GABRB1: variants seen among roughly 807,000 people sequenced by gnomAD.
GABRB1 encodes gamma-aminobutyric acid receptor subunit beta-1.
Under a neutral mutation model 51.6 loss-of-function variants are expected in GABRB1, and 17 were observed. That is an observed-to-expected ratio of 0.33 (90% confidence interval 0.23 to 0.49). The LOEUF (loss-of-function observed/expected upper bound fraction) is 0.49. Ranked by LOEUF, GABRB1 falls within the 20% of genes least tolerant of loss-of-function variation. The pLI is 0.99. For synonymous variants in GABRB1, 247 were observed against 218.9 expected, an observed-to-expected ratio of 1.13 and a Z score of -1.14; for missense variants, 410 against 600.6, an observed-to-expected ratio of 0.68 and a Z score of 3.32.
upstream of GABRB1, among the ~76,000 whole-genome samples, chr4:47,028,855 A>G (rs1002095521): frequency 2.7e-5 from 4 of 148,532 alleles, no homozygotes; most frequent in East Asian, 5.9e-4. Flanking sequence ...GTATATGTGT[A>G]TATATGGTAT....
intron 3 of GABRB1, among the ~76,000 whole-genome samples, chr4:47,045,539 C>A (rs1167206925): frequency 6.6e-6 from 1 of 151,640 alleles, no homozygotes; most frequent in Admixed American, 6.6e-5. Flanking sequence ...AGCTTATAAA[C>A]AAGAGACATT....
chr4:47,241,203 G>T (rs1288635942), intron 4 of GABRB1, among the ~76,000 whole-genome samples: 1 of 152,126 alleles, frequency 6.6e-6, no homozygotes, highest in African/African-American at 2.4e-5. Context: ...CTTGTGGTAG[G>T]TGGCAACAAT....
chr4:47,037,557 G>GTTT (rs11436333), intron 3 of GABRB1, among the ~76,000 whole-genome samples: 34 of 143,792 alleles, frequency 2.4e-4, no homozygotes, highest in Non-Finnish European at 4.7e-4. Flanking sequence ...GTTGTTTTTT[G>GTTT]TTTTTTTTTT....
At chr4:47,363,419 TC>T (rs1411882898) in intron 5 of GABRB1, among the ~76,000 whole-genome samples, 1 of 152,042 alleles carries the variant, frequency 6.6e-6, no homozygotes, top group African/African-American at 2.4e-5. Context: ...AAGGCACATC[TC>T]AGGCCCGAAA....
At chr4:47,247,896 T>TGATAAAAG (rs1335894501) in intron 4 of GABRB1, among the ~76,000 whole-genome samples, 9 of 152,084 alleles carry the variant, frequency 5.9e-5, no homozygotes, top group African/African-American at 2.2e-4. Flanking sequence ...TTTTATCAGT[T>TGATAAAAG]CTTGGAGCTT....
At chr4:47,208,050 A>C (rs1361599671) in intron 4 of GABRB1, among the ~76,000 whole-genome samples, 1 of 152,100 alleles carries the variant, frequency 6.6e-6, no homozygotes, top group Non-Finnish European at 1.5e-5. Context: ...TCATAGCAGC[A>C]TTATTCAACA....
chr4:47,092,290 A>G (rs888842875), intron 3 of GABRB1, among the ~76,000 whole-genome samples: 3 of 145,706 alleles, frequency 2.1e-5, no homozygotes, highest in Non-Finnish European at 4.5e-5. Flanking sequence ...CTCCTGTCTC[A>G]GCCTCCTAAA....
At chr4:47,158,174 T>C (rs779192973) in intron 3 of GABRB1, among the ~76,000 whole-genome samples, 9 of 152,042 alleles carry the variant, frequency 5.9e-5, no homozygotes, top group Non-Finnish European at 1.3e-4. Flanking sequence ...TTACCCATGT[T>C]TTTTCCTTTC....
intron 4 of GABRB1, among the ~76,000 whole-genome samples, chr4:47,282,184 A>G (rs957483153): frequency 2.6e-5 from 4 of 152,232 alleles, no homozygotes; most frequent in Admixed American, 2.0e-4. Flanking sequence ...AAAAATTTTT[A>G]AAAACTATAT....
intron 4 of GABRB1, among the ~76,000 whole-genome samples, chr4:47,293,461 C>T (rs1723840329): frequency 6.6e-6 from 1 of 152,136 alleles, no homozygotes; most frequent in Non-Finnish European, 1.5e-5. Context: ...TCTTACTTAA[C>T]AACTTCTCAT....
intron 4 of GABRB1, among the ~76,000 whole-genome samples, chr4:47,181,001 G>A (rs1375327659): frequency 2.0e-5 from 3 of 151,800 alleles, no homozygotes; most frequent in African/African-American, 7.3e-5. Flanking sequence ...ATGGGGCTTT[G>A]GGTGATTTTT....
intron 1 of GABRB1, among the ~76,000 whole-genome samples, chr4:46,995,273 G>A (rs768944142): frequency 1.3e-5 from 2 of 152,132 alleles, no homozygotes; most frequent in African/African-American, 2.4e-5. Flanking sequence ...GAAAAATAGC[G>A]GAAGAACTAG....
intron 4 of GABRB1, among the ~76,000 whole-genome samples, chr4:47,256,253 A>G (rs1034318431): frequency 1.3e-5 from 2 of 152,210 alleles, no homozygotes; most frequent in Non-Finnish European, 2.9e-5. Flanking sequence ...AACTATATGA[A>G]CTAGAATGGT....
intron 3 of GABRB1, among the ~76,000 whole-genome samples, chr4:47,160,745 G>T (rs542850961): frequency 1.5e-5 from 2 of 134,016 alleles, no homozygotes; most frequent in Admixed American, 1.6e-4. Context: ...TATAGTTCTA[G>T]TACTTTTATT....
At chr4:47,306,425 G>A (rs1262993192) in intron 4 of GABRB1, among the ~76,000 whole-genome samples, 2 of 151,184 alleles carry the variant, frequency 1.3e-5, no homozygotes, top group Admixed American at 1.3e-4. Flanking sequence ...GTGCAGGGTA[G>A]AGATAGGAGG....
chr4:47,079,168 A>G (rs374907595), intron 3 of GABRB1, among the ~76,000 whole-genome samples: 13 of 152,024 alleles, frequency 8.6e-5, no homozygotes, highest in Middle Eastern at 3.4e-3. Context: ...TATTGATTGG[A>G]ATAGTTTCAG....
At chr4:47,119,084 T>C (rs1715633058) in intron 3 of GABRB1, among the ~76,000 whole-genome samples, 1 of 152,150 alleles carries the variant, frequency 6.6e-6, no homozygotes. Flanking sequence ...CAGGAAGAGA[T>C]ATACATAGGA....
intron 4 of GABRB1, among the ~76,000 whole-genome samples, chr4:47,296,305 C>G (rs1723990760): frequency 6.6e-6 from 1 of 152,176 alleles, no homozygotes; most frequent in Non-Finnish European, 1.5e-5. Context: ...TTAGAAGACA[C>G]AGACTGGCAA....
At chr4:47,152,725 C>G (rs886163365) in intron 3 of GABRB1, among the ~76,000 whole-genome samples, 2 of 151,964 alleles carry the variant, frequency 1.3e-5, no homozygotes, top group African/African-American at 4.8e-5. Flanking sequence ...CCCCAATCTT[C>G]AACTCTTCTT....
Sources: gnomAD v4.1 joint callset for allele counts (sites outside exome capture counted in the v4.1 genomes callset) on GRCh38, gnomAD v4.1.1 for gene constraint, MANE v1.5 for transcripts, NCBI Gene and HGNC (gene_info 2026-07-23, HGNC 2026-07-21) for gene names.